The following NBAS variants were observed in gnomAD, a reference collection of about 807,000 sequenced individuals.
NBAS encodes the protein NBAS subunit of NRZ tethering complex.
A neutral mutation model predicts 302.5 loss-of-function variants in NBAS; 219 were observed. That is an observed-to-expected ratio of 0.72 (90% confidence interval 0.65 to 0.81). The LOEUF is 0.81. Ranked by LOEUF, NBAS falls within the 30% of genes least tolerant of loss-of-function variation. NBAS has a pLI of 0.00. For synonymous variants in NBAS, 1,118 were observed against 1,021.6 expected, an observed-to-expected ratio of 1.09 and a Z score of -1.80; for missense variants, 2,932 against 2,841.6, an observed-to-expected ratio of 1.03 and a Z score of -0.72.
chr2:15,178,529 A>AGATTTCAGATGG (rs1351737910), intron 51 of NBAS, among the ~76,000 whole-genome samples: 1 of 152,226 alleles, frequency 6.6e-6, no homozygotes, highest in African/African-American at 2.4e-5. Context: ...TCAGAGTTTG[A>AGATTTCAGATGG]GATTTCAGAT....
the NBAS span, among the ~76,000 whole-genome samples, chr2:14,883,556 G>A: frequency 6.6e-6 from 1 of 152,136 alleles, no homozygotes; most frequent in South Asian, 2.1e-4. Context: ...GCAGAAAATT[G>A]TGGCCAAAAT....
intron 9 of NBAS, among the ~76,000 whole-genome samples, chr2:15,527,941 A>G (rs1010658860): frequency 2.0e-5 from 3 of 152,040 alleles, no homozygotes; most frequent in African/African-American, 7.2e-5. Flanking sequence ...ACAAATGATC[A>G]TATTTCCTCA....
At chr2:14,967,238 G>GA in the NBAS span, among the ~76,000 whole-genome samples, 1 of 152,084 alleles carries the variant, frequency 6.6e-6, no homozygotes, top group African/African-American at 2.4e-5. Flanking sequence ...CTGATATATA[G>GA]ATTCAATGCA....
chr2:15,508,077 T>G (rs1661957849), intron 10 of NBAS, among the ~76,000 whole-genome samples: 2 of 152,172 alleles, frequency 1.3e-5, no homozygotes, highest in Non-Finnish European at 2.9e-5. Context: ...TATTGTGAGG[T>G]AAGGGAAGGC....
At chr2:15,425,237 C>T (rs1438326324) in intron 22 of NBAS, among the ~76,000 whole-genome samples, 1 of 152,036 alleles carries the variant, frequency 6.6e-6, no homozygotes, top group African/African-American at 2.4e-5. Flanking sequence ...GATAGTCATT[C>T]ATCTAAAGCA....
At chr2:14,874,526 G>A in the NBAS span, among the ~76,000 whole-genome samples, 1 of 151,074 alleles carries the variant, frequency 6.6e-6, no homozygotes, top group Non-Finnish European at 1.5e-5. Context: ...TGTAGTCCCA[G>A]CTACTTGGGA....
chr2:15,095,758 T>C, the NBAS span, among the ~76,000 whole-genome samples: 1 of 152,350 alleles, frequency 6.6e-6, no homozygotes, highest in African/African-American at 2.4e-5. Flanking sequence ...GGTGGCCATA[T>C]GGTCACCTTT....
chr2:15,106,457 C>CTCTCTG, the NBAS span, among the ~76,000 whole-genome samples: 1 of 146,476 alleles, frequency 6.8e-6, no homozygotes, highest in African/African-American at 2.5e-5. Context: ...CTCTGTCTCT[C>CTCTCTG]TCTCTCTCTC....
downstream of NBAS, among the ~76,000 whole-genome samples, chr2:15,162,223 A>G (rs914950302): frequency 6.6e-6 from 1 of 152,236 alleles, no homozygotes; most frequent in Non-Finnish European, 1.5e-5. Context: ...TTGTCAAGAC[A>G]ACACGCATCC....
the NBAS span, among the ~76,000 whole-genome samples, chr2:15,151,909 G>A: frequency 3.0e-4 from 45 of 152,130 alleles, no homozygotes; most frequent in East Asian, 2.5e-3. Context: ...GTGCAGTGGC[G>A]CAATCTCGGC....
intron 13 of NBAS, among the ~76,000 whole-genome samples, chr2:15,477,446 A>G (rs1249377559): frequency 6.6e-6 from 1 of 152,094 alleles, no homozygotes; most frequent in Non-Finnish European, 1.5e-5. Flanking sequence ...TTTCCAGTAG[A>G]GACAGGGTTT....
At chr2:15,150,946 A>C in the NBAS span, among the ~76,000 whole-genome samples, 1 of 151,942 alleles carries the variant, frequency 6.6e-6, no homozygotes, top group African/African-American at 2.4e-5. Context: ...ATAGTGAGGA[A>C]CTTTTGCGGT....
chr2:15,143,220 A>C, the NBAS span, among the ~76,000 whole-genome samples: 2 of 152,034 alleles, frequency 1.3e-5, no homozygotes, highest in Non-Finnish European at 1.5e-5. Context: ...CTCACAAACA[A>C]CCCTGTGAAA....
chr2:15,374,039 C>T (rs537061701), intron 31 of NBAS, among the ~76,000 whole-genome samples: 171 of 152,276 alleles, frequency 1.1e-3, no homozygotes, highest in Non-Finnish European at 1.9e-3. Flanking sequence ...GATTCTGTAG[C>T]AGGATGCTTG....
At chr2:14,797,688 C>A in the NBAS span, among the ~76,000 whole-genome samples, 2 of 152,104 alleles carry the variant, frequency 1.3e-5, no homozygotes, top group Non-Finnish European at 2.9e-5. Context: ...CCCTTCCCAC[C>A]TCAGGCTGAG....
intron 21 of NBAS, among the ~76,000 whole-genome samples, chr2:15,440,643 G>A (rs1310837951): frequency 2.6e-5 from 4 of 152,220 alleles, no homozygotes; most frequent in Non-Finnish European, 5.9e-5. Context: ...CCAGCAATGG[G>A]ACAAAGCTGG....
chr2:15,177,859 A>C, intron 51 of NBAS: 1 of 251,708 alleles, frequency 4.0e-6, no homozygotes, highest in African/African-American at 2.2e-5. Flanking sequence ...CTTCGTTCTG[A>C]TTAATTATTG....
the NBAS span, among the ~76,000 whole-genome samples, chr2:15,076,886 G>C: frequency 2.4e-4 from 36 of 152,288 alleles, no homozygotes; most frequent in African/African-American, 8.2e-4. Context: ...TAGGATTGTT[G>C]CATCATAATT....
chr2:15,104,336 A>G, the NBAS span, among the ~76,000 whole-genome samples: 1 of 152,140 alleles, frequency 6.6e-6, no homozygotes, highest in African/African-American at 2.4e-5. Context: ...AGCAGCATGA[A>G]AGAAGACTAA....
Sources: gnomAD v4.1 joint callset for allele counts (sites outside exome capture counted in the v4.1 genomes callset) on GRCh38, gnomAD v4.1.1 for gene constraint, MANE v1.5 for transcripts, NCBI Gene and HGNC (gene_info 2026-07-23, HGNC 2026-07-21) for gene names.